FMNL2: variants seen among roughly 807,000 people sequenced by gnomAD.
The protein encoded by FMNL2 is formin like 2.
Under a neutral mutation model 130.2 loss-of-function variants are expected in FMNL2, and 51 were observed. That is an observed-to-expected ratio of 0.39 (90% CI 0.31 to 0.49). The LOEUF (loss-of-function observed/expected upper bound fraction) is 0.49. Among genes scored for constraint, FMNL2 ranks in the 20% least tolerant of loss-of-function variants. The pLI, the probability that FMNL2 is intolerant of heterozygous loss-of-function variation, is 0.85. For synonymous variants in FMNL2, 465 were observed against 467.1 expected (o/e 1.00, Z 0.06); for missense variants, 977 against 1,316.2 (o/e 0.74, Z 3.99).
At chr2:152,560,851 C>T in intron 5 of FMNL2, 32 bp from the exon 6 acceptor site, 1 of 1,583,460 alleles carries the variant, frequency 6.3e-7, no homozygotes, top group Non-Finnish European at 8.6e-7. Flanking sequence ...GTGAATTTTT[C>T]AGTCTTCAAT....
chr2:152,369,959 A>G (rs1156449632), intron 1 of FMNL2, among the ~76,000 whole-genome samples: 1 of 152,028 alleles, frequency 6.6e-6, no homozygotes, highest in Non-Finnish European at 1.5e-5. Flanking sequence ...TTTGCTGTGT[A>G]TTGTGTGGGG....
chr2:152,370,092 T>C (rs1683788136), intron 1 of FMNL2, among the ~76,000 whole-genome samples: 2 of 152,236 alleles, frequency 1.3e-5, no homozygotes, highest in African/African-American at 4.8e-5. Flanking sequence ...CATGTAGTTA[T>C]GGCTTCATAC....
chr2:152,452,571 A>C (rs61267722), intron 1 of FMNL2, among the ~76,000 whole-genome samples: 2,134 of 152,236 alleles, frequency 0.014, 49 homozygotes, highest in African/African-American at 0.048. Context: ...CACTCTTGTA[A>C]TGGGACAAAT....
At chr2:152,390,492 A>G (rs1685051359) in intron 1 of FMNL2, 2 of 1,541,680 alleles carry the variant, frequency 1.3e-6, no homozygotes, top group Admixed American at 1.7e-5. Context: ...TGAGACTCGC[A>G]GCATGGTGGA....
chr2:152,589,940 C>CATACATATAT (rs1697295819), intron 9 of FMNL2, among the ~76,000 whole-genome samples: 5 of 67,024 alleles, frequency 7.5e-5, no homozygotes, highest in Non-Finnish European at 1.1e-4. Flanking sequence ...TGGCTTTATA[C>CATACATATAT]ATATATATAT....
At chr2:152,396,141 C>T (rs1292577625) in intron 1 of FMNL2, among the ~76,000 whole-genome samples, 2 of 152,178 alleles carry the variant, frequency 1.3e-5, no homozygotes, top group African/African-American at 4.8e-5. Flanking sequence ...CCCTCCCCCT[C>T]TCCTTTATTT....
intron 3 of FMNL2, among the ~76,000 whole-genome samples, chr2:152,543,139 G>C (rs954129059): frequency 2.0e-5 from 3 of 152,328 alleles, no homozygotes; most frequent in Middle Eastern, 3.4e-3. Context: ...GCTTTGCAAA[G>C]GGAATACTTG....
rs550220017 is a variant in FMNL2 at position 152,556,552 on chromosome 2, G to A, written c.360-2188G>A. Among the ~76,000 whole-genome samples, 18 of 152,296 alleles carry A rather than the reference G, an allele frequency of 1.2e-4. No individual in the cohort carries two copies. In the South Asian group the frequency reaches 2.7e-3, roughly 23 times the overall value. On this transcript the variant is annotated intron_variant, in intron 4 of 25. Transcript: ENST00000288670. ...GTATTCTTTATCCCTGCATTAAAAC[G>A]TATGCATATTAGCATGTTAAGCGAA...
At chr2:152,489,901 TTC>T (rs1691045736) in intron 1 of FMNL2, among the ~76,000 whole-genome samples, 1 of 152,192 alleles carries the variant, frequency 6.6e-6, no homozygotes, top group African/African-American at 2.4e-5. Flanking sequence ...TACTGAGAGT[TTC>T]TTAGTCGTAT....
intron 1 of FMNL2, among the ~76,000 whole-genome samples, chr2:152,376,632 C>T (rs1684193408): frequency 1.3e-5 from 2 of 152,026 alleles, no homozygotes; most frequent in Non-Finnish European, 2.9e-5. Flanking sequence ...GGTGATGTTA[C>T]TACTGAAAAT....
chr2:152,386,223 G>T (rs748707038), intron 1 of FMNL2, among the ~76,000 whole-genome samples: 13 of 152,216 alleles, frequency 8.5e-5, no homozygotes, highest in Non-Finnish European at 1.6e-4. Context: ...AATCCCCAGT[G>T]CTCTCAGTGA....
chr2:152,346,949 G>A (rs1682158785), intron 1 of FMNL2, among the ~76,000 whole-genome samples: 1 of 151,908 alleles, frequency 6.6e-6, no homozygotes, highest in Admixed American at 6.6e-5. Flanking sequence ...AAATTAGCTG[G>A]GCATAGTGGC....
At chr2:152,487,285 T>C (rs1690885287) in intron 1 of FMNL2, among the ~76,000 whole-genome samples, 1 of 152,238 alleles carries the variant, frequency 6.6e-6, no homozygotes. Context: ...ATAAATTTAA[T>C]GCCAGAAGTA....
Position 152,335,682 on chromosome 2 carries a change from G to C in FMNL2, c.79G>C (p.Glu27Gln). The change falls in exon 1 of 26, where the codon GAG becomes CAG. Residue 27 changes from glutamate to glutamine, a missense_variant. Physicochemically the swap from Glu to Gln is conservative, Grantham distance 29 (BLOSUM62 2). This residue lies in a region of FMNL2 where 117 missense variants were observed against 134.9 expected (regional missense o/e 0.87). Transcript: ENST00000288670. ...CGTGCCTTTGAAGCTGCCGATGCCAGAGCCAGGTGAACTGGAGGAGCGATT... is the reference window on the plus strand; with the variant it reads ...CGTGCCTTTGAAGCTGCCGATGCCACAGCCAGGTGAACTGGAGGAGCGATT... ...HNVPLKLPMP[E>Q]PGELEERFAI... 1.3e-6 allele frequency: 2 copies of C among 1,589,210 alleles called. No individual in the cohort carries two copies.
At chr2:152,518,018 G>A (rs1287722022) in intron 1 of FMNL2, among the ~76,000 whole-genome samples, 5 of 152,158 alleles carry the variant, frequency 3.3e-5, no homozygotes, top group South Asian at 2.1e-4. Flanking sequence ...TTTTATAAAG[G>A]CAGCAAAGGG....
intron 1 of FMNL2, among the ~76,000 whole-genome samples, chr2:152,448,993 A>T (rs1461747993): frequency 6.6e-6 from 1 of 152,224 alleles, no homozygotes; most frequent in East Asian, 1.9e-4. Flanking sequence ...AGCCATGTTG[A>T]AGCCTCTAAT....
intron 1 of FMNL2, among the ~76,000 whole-genome samples, chr2:152,408,382 T>C (rs1686112160): frequency 6.6e-6 from 1 of 152,212 alleles, no homozygotes; most frequent in Non-Finnish European, 1.5e-5. Context: ...TATAAAACAT[T>C]TATGCATTTA....
intron 2 of FMNL2, among the ~76,000 whole-genome samples, chr2:152,537,886 A>G (rs1694081999): frequency 7.0e-6 from 1 of 141,852 alleles, no homozygotes. Context: ...CAGAGACCTT[A>G]CACATACACA....
At chr2:152,490,569 A>ATGTGTGTATG (rs1553465323) in intron 1 of FMNL2, among the ~76,000 whole-genome samples, 3 of 108,520 alleles carry the variant, frequency 2.8e-5, no homozygotes, top group East Asian at 2.8e-4. Flanking sequence ...TTGCTATCCA[A>ATGTGTGTATG]TGTGTGTGTG....
Sources: gnomAD v4.1 joint callset for allele counts (sites outside exome capture counted in the v4.1 genomes callset) on GRCh38, gnomAD v4.1.1 for gene constraint, gnomAD v4.1.1 regional missense constraint, MANE v1.5 for transcripts, NCBI Gene and HGNC (gene_info 2026-07-23, HGNC 2026-07-21) for gene names.